ABLIM1: variants seen among roughly 807,000 people sequenced by gnomAD.
ABLIM1 encodes the protein actin binding LIM protein 1, also known as actin-binding LIM protein 1.
A neutral mutation model predicts 107.0 loss-of-function variants in ABLIM1; 40 were observed. The ratio of observed to expected loss-of-function variants is 0.37; its 90% CI spans 0.29 to 0.49. The LOEUF (loss-of-function observed/expected upper bound fraction) is 0.49, where lower values mean the gene tolerates loss of function less well. ABLIM1 is among the 20% of genes least tolerant of loss of function. The pLI is 0.97. For missense variants in ABLIM1, 857 were observed against 1,008.5 expected, an observed-to-expected ratio of 0.85 and a Z score of 2.04; for synonymous variants, 357 against 357.3, an observed-to-expected ratio of 1.00 and a Z score of 0.01.
chr10:114,458,292 C>T (rs61870073), intron 12 of ABLIM1, among the ~76,000 whole-genome samples: 31,195 of 152,008 alleles, frequency 0.21, 4,040 homozygotes, highest in Middle Eastern at 0.31. Flanking sequence ...ATTTTTACCT[C>T]CTTTCCTGTT....
At position 114,436,362 on chromosome 10, in the gene ABLIM1, G is replaced by T. The variant is rs1281806199; in HGVS notation, c.2235C>A (p.Ala745=). 1.2e-6 allele frequency: 2 copies of T among 1,613,074 alleles called. No individual in the cohort carries two copies. Among genetic ancestry groups the T allele is most frequent in the South Asian group, 2.2e-5 (2 of 90,946 alleles). ...VDRTRLERHL[A]PEVFREIFGM... Reference sequence around the variant, plus strand: ...CAAAGATTTCCCGAAACACTTCAGGGGCTAAGTGGCGCTGGGAAGAAGAAA... The same window carrying T: ...CAAAGATTTCCCGAAACACTTCAGGTGCTAAGTGGCGCTGGGAAGAAGAAA... Residue 745 remains alanine, a synonymous_variant, in exon 23 of 23, where the codon GCC becomes GCA. Coordinates refer to ENST00000533213, the MANE Select transcript of ABLIM1 (RefSeq NM_002313.7).
intron 1 of ABLIM1, among the ~76,000 whole-genome samples, chr10:114,755,304 T>C (rs1023705916): frequency 2.0e-5 from 3 of 152,126 alleles, no homozygotes; most frequent in African/African-American, 7.2e-5. Context: ...AAACCATTCC[T>C]CCCCAACCAC....
intron 1 of ABLIM1, among the ~76,000 whole-genome samples, chr10:114,607,334 A>G (rs1480073871): frequency 1.3e-5 from 2 of 152,202 alleles, no homozygotes; most frequent in African/African-American, 4.8e-5. Context: ...TGTTGGGATT[A>G]CAGGCGTGAG....
At chr10:114,472,475 T>C (rs914520030) in intron 10 of ABLIM1, among the ~76,000 whole-genome samples, 1 of 152,114 alleles carries the variant, frequency 6.6e-6, no homozygotes, top group South Asian at 2.1e-4. Flanking sequence ...ACCAGGTAAT[T>C]TGATTCCAGA....
intron 8 of ABLIM1, among the ~76,000 whole-genome samples, chr10:114,474,881 G>A (rs1013212099): frequency 1.3e-5 from 2 of 152,100 alleles, no homozygotes; most frequent in Non-Finnish European, 2.9e-5. Context: ...TAAGTCTCAC[G>A]AGACTGATGA....
Position 114,478,014 on chromosome 10 carries a change from G to A in ABLIM1, c.1042-4058C>T, listed in dbSNP as rs572971475. On this transcript the variant is annotated intron_variant, in intron 8 of 22. Transcript: ENST00000533213. ...TGGGATTACAGACGTGAGCCATAAC[G>A]CCTGGCCTCTCCCTTCCTTCTTGAC... Among the ~76,000 whole-genome samples, 107 of 152,188 alleles carry A rather than the reference G, an allele frequency of 7.0e-4. 1 individual carries two copies. Among genetic ancestry groups the A allele is most frequent in the African/African-American group, 2.3e-3 (95 of 41,522 alleles).
the ABLIM1 span, among the ~76,000 whole-genome samples, chr10:114,789,737 C>G: frequency 4.0e-5 from 6 of 150,588 alleles, no homozygotes; most frequent in African/African-American, 1.5e-4. Flanking sequence ...TGAAAAGTGT[C>G]TGTCCATGTC....
chr10:114,767,984 G>T (rs1436985397), intron 1 of ABLIM1: 2 of 409,762 alleles, frequency 4.9e-6, no homozygotes, highest in Non-Finnish European at 9.7e-6. Context: ...CGGCGCGGCT[G>T]TCGCAGCCCC....
intron 2 of ABLIM1, among the ~76,000 whole-genome samples, chr10:114,577,064 A>G (rs530150994): frequency 1.3e-5 from 2 of 152,238 alleles, no homozygotes; most frequent in Admixed American, 6.5e-5. Flanking sequence ...TTCCTTCAGC[A>G]ACAATAGGCA....
intron 1 of ABLIM1, among the ~76,000 whole-genome samples, chr10:114,679,845 G>A (rs2080667795): frequency 6.6e-6 from 1 of 152,032 alleles, no homozygotes; most frequent in Non-Finnish European, 1.5e-5. Flanking sequence ...CATGCGAGAA[G>A]ACACTATCTG....
chr10:114,651,163 G>A (rs1006869677), intron 1 of ABLIM1, among the ~76,000 whole-genome samples: 6 of 152,098 alleles, frequency 3.9e-5, no homozygotes, highest in African/African-American at 1.4e-4. Context: ...TGTATTCTTC[G>A]AACATAGTGA....
chr10:114,773,577 C>G, the ABLIM1 span, among the ~76,000 whole-genome samples: 1 of 152,124 alleles, frequency 6.6e-6, no homozygotes, highest in Non-Finnish European at 1.5e-5. Context: ...TAAAAATTAG[C>G]TGGACATGGT....
At chr10:114,481,757 A>C (rs1211630731) in intron 8 of ABLIM1, among the ~76,000 whole-genome samples, 1 of 152,196 alleles carries the variant, frequency 6.6e-6, no homozygotes, top group African/African-American at 2.4e-5. Flanking sequence ...CAGCTGTCTG[A>C]TGAACTGTAA....
chr10:114,750,940 T>C (rs1249292494), intron 1 of ABLIM1, among the ~76,000 whole-genome samples: 1 of 152,252 alleles, frequency 6.6e-6, no homozygotes, highest in Non-Finnish European at 1.5e-5. Flanking sequence ...TTGTATAATT[T>C]GCCTATCAGG....
At chr10:114,654,117 A>T (rs935310903) in intron 1 of ABLIM1, among the ~76,000 whole-genome samples, 20 of 152,192 alleles carry the variant, frequency 1.3e-4, no homozygotes, top group Admixed American at 3.9e-4. Flanking sequence ...TAGCACAGGA[A>T]CATGCATGGC....
chr10:114,511,302 G>A (rs933402475), intron 6 of ABLIM1, among the ~76,000 whole-genome samples: 7 of 151,900 alleles, frequency 4.6e-5, no homozygotes, highest in Admixed American at 4.6e-4. Context: ...CTGAATCCAC[G>A]AGATTTTATT....
intron 6 of ABLIM1, among the ~76,000 whole-genome samples, chr10:114,521,338 A>G (rs1038832166): frequency 1.3e-5 from 2 of 152,256 alleles, no homozygotes; most frequent in Middle Eastern, 3.2e-3. Flanking sequence ...CAAAGATGAG[A>G]GTCATACTCA....
chr10:114,493,571 GA>G (rs534757930), intron 6 of ABLIM1, among the ~76,000 whole-genome samples: 11 of 152,000 alleles, frequency 7.2e-5, no homozygotes, highest in South Asian at 2.1e-4. Flanking sequence ...TAAAGATCAC[GA>G]ATACAAAAAT....
chr10:114,547,421 CATTA>C (rs1178332355), intron 5 of ABLIM1: 2 of 558,858 alleles, frequency 3.6e-6, no homozygotes, highest in Non-Finnish European at 6.2e-6. Context: ...GTGTCAGCTT[CATTA>C]ATTGTTAAAT....
Sources: gnomAD v4.1 joint callset for allele counts (sites outside exome capture counted in the v4.1 genomes callset) on GRCh38, gnomAD v4.1.1 for gene constraint, MANE v1.5 for transcripts, NCBI Gene and HGNC (gene_info 2026-07-23, HGNC 2026-07-21) for gene names.